Variants in CNGB1 observed in about 807,000 individuals in gnomAD.
CNGB1 encodes cyclic nucleotide-gated channel beta-1.
Under a neutral mutation model 151.7 loss-of-function variants are expected in CNGB1, and 126 were observed. The ratio of observed to expected loss-of-function variants is 0.83; its 90% CI spans 0.72 to 0.96. The LOEUF (loss-of-function observed/expected upper bound fraction) is 0.96. Among genes scored for constraint, CNGB1 ranks in the 40% least tolerant of loss-of-function variants. The pLI is 0.00. For synonymous variants in CNGB1, 623 were observed against 635.1 expected, an observed-to-expected ratio of 0.98 and a Z score of 0.29; for missense variants, 1,698 against 1,627.0, an observed-to-expected ratio of 1.04 and a Z score of -0.75.
intron 31 of CNGB1, among the ~76,000 whole-genome samples, 176 bp from the exon 32 acceptor site, chr16:57,888,250 T>C (rs796292061): frequency 4.6e-5 from 7 of 152,220 alleles, no homozygotes; most frequent in African/African-American, 1.7e-4. Flanking sequence ...TTGCATCTCA[T>C]TGAAGGATCA....
At position 57,884,611 on chromosome 16, in the gene CNGB1, C is replaced by T. The variant is rs140373728; in HGVS notation, c.3463-154G>A. 3.9e-3 allele frequency among the ~76,000 whole-genome samples: 586 copies of T among 152,082 alleles called. 6 individuals are homozygous for T. The highest frequency in any genetic ancestry group is 0.013 in the African/African-American group (552 of 41,488). ...TCTAGTGGGTGGGGTGGAGCCGCAT[C>T]GGGGTTATTTAGGAGAAACAAAATA... On this transcript the variant is annotated intron_variant, in intron 32 of 32. Transcript: ENST00000251102.
chr16:57,888,952 T>G (rs181705010), intron 31 of CNGB1, among the ~76,000 whole-genome samples: 186 of 152,308 alleles, frequency 1.2e-3, no homozygotes, highest in Non-Finnish European at 1.9e-3. Context: ...CTCTGCTCCA[T>G]CCTTTGCAGG....
Position 57,884,453 on chromosome 16 carries a change from T to G in CNGB1, c.3467A>C (p.Lys1156Thr). The change falls in exon 33 of 33, where the codon AAG (lysine) becomes ACG (threonine). Residue 1156 changes from lysine to threonine, a missense_variant. Physicochemically the swap from Lys to Thr is moderately conservative, Grantham distance 78. Transcript: ENST00000251102. The stretch of plus-strand genomic sequence containing the variant: ...CTCTCCCTTGACGTCTTGCGAGCTC[T>G]TGGCCTGGAATCCAGAAAGGGTGAC... ...AKQQELVEQA[K>T]SSQDVKGEEG... 5.0e-6 allele frequency: 8 copies of G among 1,613,492 alleles called. No individual in the cohort carries two copies. Among genetic ancestry groups the G allele is most frequent in the Non-Finnish European group, 5.9e-6 (7 of 1,179,798 alleles).
intron 14 of CNGB1, among the ~76,000 whole-genome samples, 186 bp downstream of exon 14, chr16:57,949,167 C>T (rs931203548): frequency 7.2e-5 from 11 of 151,876 alleles, no homozygotes; most frequent in Non-Finnish European, 1.0e-4. Flanking sequence ...TAATATGATT[C>T]CCAGGTCATG....
intron 14 of CNGB1, among the ~76,000 whole-genome samples, chr16:57,941,546 C>T (rs2149377302): frequency 6.6e-6 from 1 of 152,340 alleles, no homozygotes; most frequent in Admixed American, 6.5e-5. Context: ...CCCAGATCCT[C>T]CTCCAAATTA....
intron 32 of CNGB1, among the ~76,000 whole-genome samples, chr16:57,885,836 T>C (rs1959915703): frequency 6.6e-6 from 1 of 152,082 alleles, no homozygotes; most frequent in Non-Finnish European, 1.5e-5. Flanking sequence ...TCAAGTGATC[T>C]GCCCACCTTG....
At chr16:57,938,277 G>A (rs1252980313) in intron 16 of CNGB1, among the ~76,000 whole-genome samples, 1 of 152,154 alleles carries the variant, frequency 6.6e-6, no homozygotes, top group Non-Finnish European at 1.5e-5. Context: ...CCCCAGGCCT[G>A]GACTTAGTAG....
intron 25 of CNGB1, among the ~76,000 whole-genome samples, chr16:57,908,237 T>C (rs529911872): frequency 1.3e-5 from 2 of 152,202 alleles, no homozygotes; most frequent in Non-Finnish European, 2.9e-5. Context: ...GCAGGGCTCA[T>C]GGCAGAAGGC....
chr16:57,969,516 G>T (rs1351560761), intron 1 of CNGB1, among the ~76,000 whole-genome samples: 1 of 152,040 alleles, frequency 6.6e-6, no homozygotes, highest in African/African-American at 2.4e-5. Flanking sequence ...TACTCGGGAG[G>T]CTGAGGCACG....
At chr16:57,941,699 G>T (rs143535582) in intron 14 of CNGB1, among the ~76,000 whole-genome samples, 4 of 152,012 alleles carry the variant, frequency 2.6e-5, no homozygotes, top group Non-Finnish European at 5.9e-5. Flanking sequence ...GAAATGGACC[G>T]CAATACAATA....
At chr16:57,919,003 C>A in intron 20 of CNGB1, 96 bp downstream of exon 20, 2 of 1,585,876 alleles carry the variant, frequency 1.3e-6, no homozygotes, top group South Asian at 1.1e-5. Flanking sequence ...GGCCTCCCAT[C>A]CCACCTCTTG....
intron 17 of CNGB1, among the ~76,000 whole-genome samples, chr16:57,929,138 A>G (rs1961271571): frequency 6.6e-6 from 1 of 152,220 alleles, no homozygotes; most frequent in Non-Finnish European, 1.5e-5. Flanking sequence ...CTACACCTCA[A>G]TATGAAAACA....
At chr16:57,960,687 C>A (rs1962228102) in intron 8 of CNGB1, among the ~76,000 whole-genome samples, 153 bp downstream of exon 8, 1 of 152,230 alleles carries the variant, frequency 6.6e-6, no homozygotes, top group Non-Finnish European at 1.5e-5. Flanking sequence ...CTCACAGTCA[C>A]TCCTCCCCAT....
intron 14 of CNGB1, among the ~76,000 whole-genome samples, chr16:57,942,923 CTATAAAACCAATA>C (rs1961709194): frequency 6.7e-6 from 1 of 149,804 alleles, no homozygotes; most frequent in African/African-American, 2.5e-5. Flanking sequence ...AAATCTGAAA[CTATAAAACCAATA>C]TATAAAATAT....
At chr16:57,937,174 G>A (rs1314891551) in intron 16 of CNGB1, 3 of 152,680 alleles carry the variant, frequency 2.0e-5, no homozygotes, top group African/African-American at 7.2e-5. Context: ...GGACAGGGAT[G>A]CGGGTGATTG....
chr16:57,904,676 C>T, intron 26 of CNGB1, 58 bp downstream of exon 26: 2 of 1,611,356 alleles, frequency 1.2e-6, no homozygotes, highest in Admixed American at 1.7e-5. Flanking sequence ...TTTCTGGCAA[C>T]AGTGGGAGGG....
chr16:57,960,777 C>A (rs1962232055), intron 8 of CNGB1, 63 bp downstream of exon 8: 1 of 1,552,826 alleles, frequency 6.4e-7, no homozygotes, highest in South Asian at 1.2e-5. Flanking sequence ...GAGGCAGTCC[C>A]TCCTGGGGCC....
At chr16:57,922,254 A>C (rs1294615217) in intron 18 of CNGB1, among the ~76,000 whole-genome samples, 2 of 152,022 alleles carry the variant, frequency 1.3e-5, no homozygotes, top group African/African-American at 4.8e-5. Context: ...ATGGCCAAGG[A>C]CTGTGATTGG....
rs1374179085 is a variant in CNGB1 at position 57,931,855 on chromosome 16, C to T, written c.1396G>A (p.Glu466Lys). 1.9e-6 allele frequency: 3 copies of T among 1,614,018 alleles called. No homozygotes were observed. The African/African-American group carries it at 4.0e-5, about 22-fold the overall frequency. ...SGVPATKQHPEVQVEDTDADS... is the reference protein window; with the variant it reads ...SGVPATKQHPKVQVEDTDADS... ...GCATCAGTATCTTCCACCTGCACTTCTGGGTGCTGTTTCGTGGCAGGCACT... is the reference window on the plus strand; with the variant it reads ...GCATCAGTATCTTCCACCTGCACTTTTGGGTGCTGTTTCGTGGCAGGCACT... Residue 466 changes from glutamate to lysine, a missense_variant, in exon 17 of 33, where the codon GAA (glutamate) becomes AAA (lysine). Physicochemically the swap from Glu to Lys is moderately conservative, Grantham distance 56. Transcript: ENST00000251102.
Sources: allele counts gnomAD v4.1 joint callset (sites outside exome capture counted in the v4.1 genomes callset), GRCh38; gene constraint gnomAD v4.1.1; transcripts MANE v1.5; gene names NCBI Gene and HGNC (gene_info 2026-07-23, HGNC 2026-07-21).